EPHA5: variants seen among roughly 807,000 people sequenced by gnomAD.
The protein encoded by EPHA5 is ephrin type-A receptor 5.
A neutral mutation model predicts 105.0 loss-of-function variants in EPHA5; 60 were observed. The observed-to-expected ratio is 0.57, with a 90% CI of 0.46 to 0.71. The LOEUF (loss-of-function observed/expected upper bound fraction) is 0.71. EPHA5 is among the 30% of genes least tolerant of loss of function. The probability of loss-of-function intolerance (pLI) is 0.00; values close to 1 mark genes in which losing one functional copy is unlikely to be tolerated. For missense variants in EPHA5, 1,218 were observed against 1,274.7 expected (o/e 0.96, Z 0.68); for synonymous variants, 513 against 449.1 (o/e 1.14, Z -1.80).
chr4:65,561,225 T>C lies in EPHA5; in HGVS notation c.910+40416A>G, dbSNP rs1578426128. The stretch of plus-strand genomic sequence containing the variant: ...TATTCAGTCCCCTTGTTCTTAAAAA[T>C]AAATGAGCTTTGTAAGATATTATTT... On this transcript the variant is annotated intron_variant, in intron 3 of 16. Transcript: ENST00000613740. Among the ~76,000 whole-genome samples the C allele has an allele frequency of 2.0e-5, 3 of 151,682 alleles. No individual in the cohort carries two copies. The South Asian group carries it at 6.2e-4, about 32-fold the overall frequency.
At chr4:65,482,068 C>CTG (rs1730418395) in intron 5 of EPHA5, among the ~76,000 whole-genome samples, 1 of 152,090 alleles carries the variant, frequency 6.6e-6, no homozygotes, top group Non-Finnish European at 1.5e-5. Flanking sequence ...GAGGACGAGG[C>CTG]AGGTGTATCA....
At chr4:65,650,774 A>C (rs2149527945) in intron 1 of EPHA5, among the ~76,000 whole-genome samples, 1 of 152,136 alleles carries the variant, frequency 6.6e-6, no homozygotes, top group Admixed American at 6.5e-5. Context: ...AAATCTCCTA[A>C]CTGCTCTCTC....
intron 5 of EPHA5, among the ~76,000 whole-genome samples, chr4:65,434,787 C>T (rs1271458605): frequency 6.6e-6 from 1 of 152,068 alleles, no homozygotes; most frequent in Non-Finnish European, 1.5e-5. Context: ...ATGTTGTAGG[C>T]CATCTCACTA....
At chr4:65,417,683 T>G (rs2149029344) in intron 6 of EPHA5, among the ~76,000 whole-genome samples, 1 of 152,142 alleles carries the variant, frequency 6.6e-6, no homozygotes, top group Admixed American at 6.5e-5. Context: ...AAATTTGAAC[T>G]ATTAAATATA....
intron 3 of EPHA5, among the ~76,000 whole-genome samples, chr4:65,558,162 G>A (rs1738645150): frequency 6.6e-6 from 1 of 152,044 alleles, no homozygotes; most frequent in Non-Finnish European, 1.5e-5. Context: ...CAGGTGTGAG[G>A]CACCACACCT....
chr4:65,617,721 A>G (rs1745366685), intron 2 of EPHA5, among the ~76,000 whole-genome samples: 2 of 152,134 alleles, frequency 1.3e-5, no homozygotes, highest in African/African-American at 2.4e-5. Flanking sequence ...ATTCTGTCAC[A>G]TGTTTTTAAG....
chr4:65,551,452 T>G (rs1469513291), intron 3 of EPHA5, among the ~76,000 whole-genome samples: 1 of 152,066 alleles, frequency 6.6e-6, no homozygotes, highest in Non-Finnish European at 1.5e-5. Flanking sequence ...CAATTGACTG[T>G]CCTTAATCAA....
At chr4:65,614,271 T>A (rs1430663152) in intron 2 of EPHA5, among the ~76,000 whole-genome samples, 2 of 151,906 alleles carry the variant, frequency 1.3e-5, no homozygotes, top group African/African-American at 4.8e-5. Flanking sequence ...TGCCTTTTTC[T>A]CTGCTTATCA....
At chr4:65,659,329 A>AC (rs1749346448) in intron 1 of EPHA5, among the ~76,000 whole-genome samples, 1 of 7,652 alleles carries the variant, frequency 1.3e-4, no homozygotes, top group African/African-American at 4.1e-4. Context: ...GAAAAAAAAA[A>AC]AAAAAAAAAA....
chr4:65,466,196 A>G (rs1294150000), intron 5 of EPHA5, among the ~76,000 whole-genome samples: 2 of 152,216 alleles, frequency 1.3e-5, no homozygotes, highest in Non-Finnish European at 2.9e-5. Context: ...ACTTTTGAGA[A>G]TGTTTGAATG....
intron 5 of EPHA5, among the ~76,000 whole-genome samples, chr4:65,464,246 A>C (rs577389572): frequency 1.8e-4 from 27 of 152,078 alleles, no homozygotes; most frequent in South Asian, 1.0e-3. Context: ...AGGCTTCAAA[A>C]CCCATCAAAG....
At chr4:65,544,522 A>G (rs1455022492) in intron 3 of EPHA5, among the ~76,000 whole-genome samples, 1 of 152,078 alleles carries the variant, frequency 6.6e-6, no homozygotes, top group Non-Finnish European at 1.5e-5. Flanking sequence ...CAAAGCCACA[A>G]TGAGATACCA....
chr4:65,537,280 A>T (rs1419297733), intron 3 of EPHA5, among the ~76,000 whole-genome samples: 1 of 151,834 alleles, frequency 6.6e-6, no homozygotes, highest in Non-Finnish European at 1.5e-5. Flanking sequence ...AACAAAACTA[A>T]TATGCATCAC....
chr4:65,339,101 GAT>G (rs1338642110), intron 14 of EPHA5, among the ~76,000 whole-genome samples: 1 of 152,138 alleles, frequency 6.6e-6, no homozygotes, highest in Non-Finnish European at 1.5e-5. Flanking sequence ...CATGTAAACT[GAT>G]AGTCTGAACA....
chr4:65,633,238 G>A (rs950687813), intron 2 of EPHA5, among the ~76,000 whole-genome samples: 1 of 152,036 alleles, frequency 6.6e-6, no homozygotes, highest in Non-Finnish European at 1.5e-5. Context: ...GATGATTACA[G>A]TATATTTTTT....
At chr4:65,490,825 T>A in intron 4 of EPHA5, 113 bp from the exon 5 acceptor site, 1 of 1,102,656 alleles carries the variant, frequency 9.1e-7, no homozygotes. Flanking sequence ...ATAAGTCCTT[T>A]AAGTCATAAT....
intron 3 of EPHA5, among the ~76,000 whole-genome samples, chr4:65,560,125 C>T (rs1435608431): frequency 6.6e-6 from 1 of 152,052 alleles, no homozygotes; most frequent in African/African-American, 2.4e-5. Flanking sequence ...ACCCTGGAAC[C>T]TACAGCTCAT....
At chr4:65,332,873 T>A (rs1720773446) in intron 15 of EPHA5, among the ~76,000 whole-genome samples, 1 of 151,944 alleles carries the variant, frequency 6.6e-6, no homozygotes, top group Non-Finnish European at 1.5e-5. Context: ...TAGAGGAACT[T>A]ATGCTCATTT....
At chr4:65,620,916 T>C (rs1745654472) in intron 2 of EPHA5, among the ~76,000 whole-genome samples, 1 of 152,188 alleles carries the variant, frequency 6.6e-6, no homozygotes, top group African/African-American at 2.4e-5. Context: ...TGGCCTTTCC[T>C]TCTCAGAGAT....
Sources: allele counts gnomAD v4.1 joint callset (sites outside exome capture counted in the v4.1 genomes callset), GRCh38; gene constraint gnomAD v4.1.1; transcripts MANE v1.5; gene names NCBI Gene and HGNC (gene_info 2026-07-23, HGNC 2026-07-21).